The following PPP4R2 variants were observed in gnomAD, a reference collection of about 807,000 sequenced individuals.
PPP4R2 encodes serine/threonine-protein phosphatase 4 regulatory subunit 2.
In PPP4R2, 13 loss-of-function variants were observed where a neutral mutation model predicts 47.2. The ratio of observed to expected loss-of-function variants is 0.28; its 90% CI spans 0.18 to 0.44. The LOEUF is 0.44. Ranked by LOEUF, PPP4R2 falls within the 20% of genes least tolerant of loss-of-function variation. The probability of loss-of-function intolerance (pLI) is 1.00; values close to 1 mark genes in which losing one functional copy is unlikely to be tolerated. For missense variants in PPP4R2, 421 were observed against 491.2 expected (o/e 0.86, Z 1.35); for synonymous variants, 151 against 163.3 (o/e 0.92, Z 0.57).
At chr3:73,046,760 T>A (rs982530936) in intron 2 of PPP4R2, among the ~76,000 whole-genome samples, 1 of 152,136 alleles carries the variant, frequency 6.6e-6, no homozygotes, top group Non-Finnish European at 1.5e-5. Flanking sequence ...AATAGACAAA[T>A]TTTACTAGTC....
At chr3:73,033,877 T>C (rs1702214837) in intron 2 of PPP4R2, among the ~76,000 whole-genome samples, 1 of 152,240 alleles carries the variant, frequency 6.6e-6, no homozygotes, top group Admixed American at 6.5e-5. Context: ...TGAATGTTGG[T>C]GTGCGAGTGT....
At chr3:73,055,417 C>CAT (rs1490495308) in intron 3 of PPP4R2, among the ~76,000 whole-genome samples, 1 of 137,346 alleles carries the variant, frequency 7.3e-6, no homozygotes, top group South Asian at 2.3e-4. Context: ...AGTGGGGTAG[C>CAT]GTGTGTGTGT....
intron 2 of PPP4R2, among the ~76,000 whole-genome samples, chr3:73,036,446 G>C (rs1040348654): frequency 6.6e-6 from 1 of 152,132 alleles, no homozygotes; most frequent in African/African-American, 2.4e-5. Context: ...CCCAAATATC[G>C]ATTTGACCAA....
intron 2 of PPP4R2, 139 bp from the exon 3 acceptor site, chr3:73,047,047 A>G (rs564052575): frequency 3.7e-4 from 210 of 573,366 alleles, no homozygotes; most frequent in East Asian, 3.6e-3. Flanking sequence ...GTGCTCTTCA[A>G]TGACGGCATT....
chr3:73,025,491 TAG>T (rs1390050348), intron 2 of PPP4R2, among the ~76,000 whole-genome samples: 1 of 152,320 alleles, frequency 6.6e-6, no homozygotes, highest in African/African-American at 2.4e-5. Flanking sequence ...AAAAAAGACG[TAG>T]AACTGGTGAT....
At chr3:73,020,592 C>G (rs1006522743) in intron 2 of PPP4R2, among the ~76,000 whole-genome samples, 3 of 148,792 alleles carry the variant, frequency 2.0e-5, no homozygotes, top group Non-Finnish European at 4.4e-5. Flanking sequence ...ATCACTTGAG[C>G]CTGGGAGGTC....
At position 73,064,861 on chromosome 3, in the gene PPP4R2, G is replaced by A. The variant is rs760700037; in HGVS notation, c.648G>A (p.Ser216=). 2.1e-5 allele frequency: 34 copies of A among 1,602,506 alleles called. No homozygotes were observed. The South Asian group carries it at 2.2e-4, about 11-fold the overall frequency. The change falls in exon 8 of 9, where the codon TCG becomes TCA. Residue 216 remains serine, a synonymous_variant. Coordinates refer to ENST00000356692, the MANE Select transcript of PPP4R2 (RefSeq NM_174907.4). The stretch of plus-strand genomic sequence containing the variant: ...AAAAAAACATTTACAGTGACTCTTC[G>A]ACCTCTGAATCAGAAGTTTCCTCAG... ...QNEEKNHSDS[S]TSESEVSSVS... is the part of the protein sequence containing the mutation.
chr3:73,009,521 T>C (rs542209334), intron 2 of PPP4R2, among the ~76,000 whole-genome samples: 110 of 152,326 alleles, frequency 7.2e-4, no homozygotes, highest in Non-Finnish European at 1.4e-3. Flanking sequence ...AGTGAATGTA[T>C]GGAATCATAA....
intron 2 of PPP4R2, among the ~76,000 whole-genome samples, chr3:73,000,351 A>ATAGTTGTTT (rs1701433908): frequency 6.6e-6 from 1 of 152,158 alleles, no homozygotes; most frequent in Non-Finnish European, 1.5e-5. Flanking sequence ...AAAAAATTTC[A>ATAGTTGTTT]TAGTTGTTTT....
intron 5 of PPP4R2, chr3:73,061,869 A>G (rs1314514758): frequency 4.2e-6 from 2 of 479,798 alleles, no homozygotes; most frequent in East Asian, 4.3e-5. Context: ...AGCCCAGTCA[A>G]TTTGTTTTTA....
At chr3:73,035,277 G>A (rs1018908680) in intron 2 of PPP4R2, among the ~76,000 whole-genome samples, 1 of 152,148 alleles carries the variant, frequency 6.6e-6, no homozygotes, top group Non-Finnish European at 1.5e-5. Flanking sequence ...GCACACACCT[G>A]TAGTCCCAGC....
At chr3:73,009,277 G>C (rs992838232) in intron 2 of PPP4R2, among the ~76,000 whole-genome samples, 1 of 152,198 alleles carries the variant, frequency 6.6e-6, no homozygotes, top group African/African-American at 2.4e-5. Context: ...ATAGTGCTTA[G>C]TGTTAAAGTG....
intron 3 of PPP4R2, among the ~76,000 whole-genome samples, chr3:73,053,036 G>A (rs1258395863): frequency 6.6e-6 from 1 of 152,218 alleles, no homozygotes; most frequent in Non-Finnish European, 1.5e-5. Context: ...ATGATTCAGG[G>A]ACTGAGAGAA....
intron 2 of PPP4R2, among the ~76,000 whole-genome samples, chr3:73,013,694 A>C (rs1334929861): frequency 2.7e-5 from 4 of 150,868 alleles, no homozygotes; most frequent in African/African-American, 7.3e-5. Flanking sequence ...GCAGGAGTGC[A>C]GTGGCACAAC....
At chr3:73,062,712 C>T (rs897290962) in intron 5 of PPP4R2, 12 of 1,613,790 alleles carry the variant, frequency 7.4e-6, no homozygotes, top group Admixed American at 1.7e-5. Flanking sequence ...AGTTCAGAGA[C>T]GATTCAAGGC....
At chr3:73,044,344 T>A (rs918931997) in intron 2 of PPP4R2, among the ~76,000 whole-genome samples, 2 of 152,066 alleles carry the variant, frequency 1.3e-5, no homozygotes, top group African/African-American at 4.8e-5. Context: ...TCACGCACTT[T>A]GGGAGGCTGA....
chr3:73,062,027 G>C, intron 5 of PPP4R2: 1 of 1,275,908 alleles, frequency 7.8e-7, no homozygotes, highest in South Asian at 1.5e-5. Context: ...TCATGAACGT[G>C]AGGTATTTTG....
chr3:72,997,945 T>C, intron 1 of PPP4R2, 132 bp from the exon 2 acceptor site: 2 of 681,326 alleles, frequency 2.9e-6, no homozygotes, highest in East Asian at 5.6e-5. Context: ...AGGTGGTAAT[T>C]TGGTTGAGAG....
chr3:73,007,465 TTTC>T (rs1701635238), intron 2 of PPP4R2, among the ~76,000 whole-genome samples: 1 of 138,814 alleles, frequency 7.2e-6, no homozygotes, highest in Non-Finnish European at 1.5e-5. Flanking sequence ...TTTCTGTTTT[TTTC>T]TGTTTTTTGT....
Sources: gnomAD v4.1 joint callset for allele counts (sites outside exome capture counted in the v4.1 genomes callset) on GRCh38, gnomAD v4.1.1 for gene constraint, MANE v1.5 for transcripts, NCBI Gene and HGNC (gene_info 2026-07-23, HGNC 2026-07-21) for gene names.